TNIP3: variants seen among roughly 807,000 people sequenced by gnomAD.
The protein encoded by TNIP3 is TNFAIP3 interacting protein 3.
In TNIP3, 34 loss-of-function variants were observed where a neutral mutation model predicts 54.1. That is an observed-to-expected ratio of 0.63 (90% confidence interval 0.48 to 0.84). The LOEUF (loss-of-function observed/expected upper bound fraction) is 0.84, where lower values mean the gene tolerates loss of function less well. Among genes scored for constraint, TNIP3 ranks in the 40% least tolerant of loss-of-function variants. TNIP3 has a pLI of 0.00. For synonymous variants in TNIP3, 134 were observed against 136.8 expected (o/e 0.98, Z 0.14); for missense variants, 366 against 387.6 (o/e 0.94, Z 0.47).
chr4:121,172,350 G>T (rs1342979769), intron 3 of TNIP3, among the ~76,000 whole-genome samples: 1 of 152,170 alleles, frequency 6.6e-6, no homozygotes, highest in Non-Finnish European at 1.5e-5. Context: ...AAATTGAGGA[G>T]GATGTAGTGT....
chr4:121,223,431 G>A (rs1397293297), intron 1 of TNIP3, among the ~76,000 whole-genome samples: 1 of 152,158 alleles, frequency 6.6e-6, no homozygotes, highest in Non-Finnish European at 1.5e-5. Flanking sequence ...TGCTGGATTC[G>A]TTCTCATTAT....
upstream of TNIP3, among the ~76,000 whole-genome samples, chr4:121,217,901 C>A (rs1726866734): frequency 6.6e-6 from 1 of 152,094 alleles, no homozygotes; most frequent in Non-Finnish European, 1.5e-5. Context: ...TAGAATCTGA[C>A]ACTGTGGAGA....
chr4:121,221,597 G>A (rs975717965), upstream of TNIP3, among the ~76,000 whole-genome samples: 1 of 152,106 alleles, frequency 6.6e-6, no homozygotes, highest in Non-Finnish European at 1.5e-5. Flanking sequence ...AGGTACTTAA[G>A]GACCTTTGAT....
chr4:121,177,221 G>A (rs116360517), intron 3 of TNIP3, among the ~76,000 whole-genome samples: 1,735 of 152,042 alleles, frequency 0.011, 29 homozygotes, highest in African/African-American at 0.039. Flanking sequence ...ACTATAACTT[G>A]GTTATATATA....
At chr4:121,203,089 G>C (rs1251799605) in intron 2 of TNIP3, among the ~76,000 whole-genome samples, 3 of 152,196 alleles carry the variant, frequency 2.0e-5, no homozygotes, top group African/African-American at 7.2e-5. Flanking sequence ...TCTACCCAGA[G>C]GAAAGGAAGT....
At chr4:121,152,943 G>T (rs949985930) in intron 5 of TNIP3, among the ~76,000 whole-genome samples, 1 of 151,944 alleles carries the variant, frequency 6.6e-6, no homozygotes, top group Non-Finnish European at 1.5e-5. Context: ...TTAGTAGCTA[G>T]AAAACAAATA....
At chr4:121,167,115 A>G (rs986839214), upstream of TNIP3, among the ~76,000 whole-genome samples, 1 of 152,176 alleles carries the variant, frequency 6.6e-6, no homozygotes. Flanking sequence ...AACAAATAAC[A>G]TGACAAAAGG....
At chr4:121,153,732 T>C (rs754575883) in intron 5 of TNIP3, among the ~76,000 whole-genome samples, 1 of 152,204 alleles carries the variant, frequency 6.6e-6, no homozygotes, top group African/African-American at 2.4e-5. Context: ...ACCAGTTAAC[T>C]ACAATCATGG....
chr4:121,159,807 G>T (rs530234797), intron 2 of TNIP3, among the ~76,000 whole-genome samples: 1 of 152,344 alleles, frequency 6.6e-6, no homozygotes, highest in East Asian at 1.9e-4. Flanking sequence ...TGTTGGGGAA[G>T]TTTGTAGTTT....
intron 10 of TNIP3, among the ~76,000 whole-genome samples, chr4:121,136,901 G>T: frequency 6.7e-6 from 1 of 148,462 alleles, no homozygotes; most frequent in East Asian, 2.0e-4. Flanking sequence ...ACATCATGGA[G>T]ATTTTTTTGT....
At chr4:121,166,474 G>GAGA (rs1447462528), upstream of TNIP3, among the ~76,000 whole-genome samples, 1 of 152,176 alleles carries the variant, frequency 6.6e-6, no homozygotes, top group Non-Finnish European at 1.5e-5. Context: ...TTTGTTTCAT[G>GAGA]AGAAGTATCA....
At chr4:121,165,466 C>T (rs1318370190), upstream of TNIP3, among the ~76,000 whole-genome samples, 1 of 152,100 alleles carries the variant, frequency 6.6e-6, no homozygotes, top group Non-Finnish European at 1.5e-5. Flanking sequence ...TTGACTTCCT[C>T]TAATCAGCTA....
intron 2 of TNIP3, among the ~76,000 whole-genome samples, chr4:121,185,775 G>A (rs1724978309): frequency 6.6e-6 from 1 of 152,198 alleles, no homozygotes; most frequent in African/African-American, 2.4e-5. Flanking sequence ...GGACACTCAA[G>A]CTCAGCTGGT....
upstream of TNIP3, among the ~76,000 whole-genome samples, chr4:121,167,087 C>T (rs966467824): frequency 2.0e-5 from 3 of 152,042 alleles, no homozygotes; most frequent in African/African-American, 7.2e-5. Flanking sequence ...ATAGGACCAT[C>T]AATCAAATTA....
intron 2 of TNIP3, among the ~76,000 whole-genome samples, chr4:121,203,029 A>G (rs1196387445): frequency 1.3e-5 from 2 of 152,156 alleles, no homozygotes; most frequent in African/African-American, 4.8e-5. Flanking sequence ...TATTCCTTAA[A>G]GAATTAAAAG....
chr4:121,135,003 G>T (rs1301512222), intron 10 of TNIP3, among the ~76,000 whole-genome samples: 3 of 152,076 alleles, frequency 2.0e-5, no homozygotes, highest in Non-Finnish European at 4.4e-5. Flanking sequence ...GTATGGACAA[G>T]GGTGGGATCT....
At chr4:121,142,645 G>C in intron 8 of TNIP3, 81 bp downstream of exon 8, 1 of 1,300,690 alleles carries the variant, frequency 7.7e-7, no homozygotes, top group Non-Finnish European at 1.1e-6. Context: ...CTGTAGCAGA[G>C]CTTGAACATG....
intron 2 of TNIP3, among the ~76,000 whole-genome samples, chr4:121,208,445 G>A (rs1726303992): frequency 6.6e-6 from 1 of 152,108 alleles, no homozygotes; most frequent in Admixed American, 6.6e-5. Flanking sequence ...GCACAAGAGG[G>A]CAGCTTCAAA....
At position 121,131,486 on chromosome 4, in the gene TNIP3, G is replaced by GTA. The variant is rs1728469096; in HGVS notation, c.*1144_*1145insTA. 2 of 151,048 alleles carry GTA rather than the reference G, an allele frequency of 1.3e-5. No individual in the cohort carries two copies. Among genetic ancestry groups the GTA allele is most frequent in the African/African-American group, 4.9e-5 (2 of 40,962 alleles). The allele number at this position is 151,048 out of a possible 1,614,324, so 9.4% of individuals were successfully genotyped here. A position where few individuals can be genotyped will look rare whatever the true frequency, so the allele number is the denominator to read the frequency against. The stretch of plus-strand genomic sequence containing the variant: ...TTTCATTAAAATTAATCAAATCCAA[G>GTA]GGAAGGAAAAACACAGATTTAACTA... On this transcript the variant is annotated 3_prime_UTR_variant, in exon 11 of 11. Transcript: ENST00000057513.
Sources: gnomAD v4.1 joint callset for allele counts (sites outside exome capture counted in the v4.1 genomes callset) on GRCh38, gnomAD v4.1.1 for gene constraint, MANE v1.5 for transcripts, NCBI Gene and HGNC (gene_info 2026-07-23, HGNC 2026-07-21) for gene names.